The following ZNF704 variants were observed in gnomAD, a reference collection of about 807,000 sequenced individuals.
ZNF704 encodes zinc finger protein 704.
In ZNF704, 10 loss-of-function variants were observed where a neutral mutation model predicts 44.7. The ratio of observed to expected loss-of-function variants is 0.22; its 90% confidence interval spans 0.14 to 0.38. ZNF704 has a LOEUF of 0.38. Ranked by LOEUF, ZNF704 falls within the 10% of genes least tolerant of loss-of-function variation. The pLI is 1.00. For missense variants in ZNF704, 390 were observed against 545.5 expected, an observed-to-expected ratio of 0.71 and a Z score of 2.84; for synonymous variants, 211 against 207.6, an observed-to-expected ratio of 1.02 and a Z score of -0.14.
chr8:80,642,676 T>C (rs1319194017), intron 8 of ZNF704, among the ~76,000 whole-genome samples: 1 of 152,206 alleles, frequency 6.6e-6, no homozygotes, highest in East Asian at 1.9e-4. Context: ...TGTATTTTGG[T>C]TAAGGAACTT....
At chr8:80,665,832 T>A (rs1818181227) in intron 5 of ZNF704, among the ~76,000 whole-genome samples, 1 of 136,944 alleles carries the variant, frequency 7.3e-6, no homozygotes, top group African/African-American at 2.6e-5. Flanking sequence ...TTTTATTTTA[T>A]TTTTTTTTCA....
intron 1 of ZNF704, among the ~76,000 whole-genome samples, chr8:80,865,920 C>T (rs1160318799): frequency 1.3e-5 from 2 of 152,132 alleles, no homozygotes; most frequent in Non-Finnish European, 2.9e-5. Context: ...TTGTTTCCTA[C>T]ATATAAATTG....
In ZNF704 at chr8:80,778,717, G is replaced by A. The variant is rs1252379318; in HGVS notation, c.221+42657C>T. On this transcript the variant is annotated intron_variant, in intron 2 of 8. Coordinates refer to ENST00000327835, the MANE Select transcript of ZNF704 (RefSeq NM_001033723.3). ...TAATGTCTTTTGCAGGATCATGGATGGAGCTGGGGGCCATCATCCTTAGCA... is the reference window on the plus strand; with the variant it reads ...TAATGTCTTTTGCAGGATCATGGATAGAGCTGGGGGCCATCATCCTTAGCA... 2.0e-5 allele frequency among the ~76,000 whole-genome samples: 3 copies of A among 152,188 alleles called. No homozygotes were observed. The East Asian group carries it at 5.8e-4, about 29-fold the overall frequency.
At chr8:80,644,075 C>T (rs112000937) in intron 7 of ZNF704, among the ~76,000 whole-genome samples, 1 of 152,194 alleles carries the variant, frequency 6.6e-6, no homozygotes, top group Non-Finnish European at 1.5e-5. Flanking sequence ...TTACTGAGCG[C>T]TCACTATGTG....
intron 7 of ZNF704, among the ~76,000 whole-genome samples, chr8:80,655,012 T>TA (rs933270796): frequency 2.6e-5 from 4 of 152,128 alleles, no homozygotes; most frequent in African/African-American, 4.8e-5. Context: ...TATGCAGCCA[T>TA]AAAAAATGAT....
chr8:80,801,217 G>A (rs1318560729), intron 2 of ZNF704, among the ~76,000 whole-genome samples: 1 of 152,052 alleles, frequency 6.6e-6, no homozygotes, highest in Non-Finnish European at 1.5e-5. Flanking sequence ...CAAAATAATA[G>A]TGAGAGACTT....
chr8:80,697,004 C>T (rs1208557271), intron 2 of ZNF704, among the ~76,000 whole-genome samples: 1 of 152,204 alleles, frequency 6.6e-6, no homozygotes, highest in Non-Finnish European at 1.5e-5. Flanking sequence ...GAGAGATACT[C>T]AATCTGTAAC....
intron 2 of ZNF704, among the ~76,000 whole-genome samples, chr8:80,820,884 C>T (rs373891567): frequency 6.6e-5 from 10 of 151,550 alleles, no homozygotes; most frequent in Non-Finnish European, 1.0e-4. Context: ...CCAGCTTGAG[C>T]GACAGAACCA....
At chr8:80,830,811 G>A (rs1327377430) in intron 1 of ZNF704, among the ~76,000 whole-genome samples, 2 of 141,930 alleles carry the variant, frequency 1.4e-5, no homozygotes, top group Admixed American at 7.3e-5. Flanking sequence ...AGGCTGGAGT[G>A]CAGTGGCACA....
rs1310161823 is a variant in ZNF704 at position 80,736,052 on chromosome 8, T to C, written c.222-42945A>G. Reference sequence around the variant, plus strand: ...TGCCATAAGGTCTATAGAATTGTCCTGTGGTTTCTGCCTGTCAAGTGGCAA... The same window carrying C: ...TGCCATAAGGTCTATAGAATTGTCCCGTGGTTTCTGCCTGTCAAGTGGCAA... On this transcript the variant is annotated intron_variant, in intron 2 of 8. Coordinates refer to ENST00000327835, the MANE Select transcript of ZNF704 (RefSeq NM_001033723.3). Among the ~76,000 whole-genome samples the C allele has an allele frequency of 2.0e-5, 3 of 152,344 alleles. No homozygotes were observed. In the East Asian group the frequency reaches 5.8e-4, roughly 29 times the overall value.
intron 2 of ZNF704, among the ~76,000 whole-genome samples, chr8:80,765,142 G>A (rs1356390680): frequency 6.6e-6 from 1 of 152,148 alleles, no homozygotes; most frequent in Admixed American, 6.5e-5. Context: ...CCTTGGGGGG[G>A]CCACTGGTGA....
intron 7 of ZNF704, among the ~76,000 whole-genome samples, chr8:80,659,169 A>G (rs978682941): frequency 2.0e-5 from 3 of 152,178 alleles, no homozygotes; most frequent in African/African-American, 7.2e-5. Flanking sequence ...ATTTTGATGT[A>G]TTTTTTGAGC....
chr8:80,880,262 G>A, the ZNF704 span, among the ~76,000 whole-genome samples: 21 of 152,306 alleles, frequency 1.4e-4, no homozygotes, highest in East Asian at 1.5e-3. Flanking sequence ...GGCCCAGTCC[G>A]AATCATGAGC....
At chr8:80,797,093 C>T (rs1217806459) in intron 2 of ZNF704, among the ~76,000 whole-genome samples, 2 of 150,626 alleles carry the variant, frequency 1.3e-5, no homozygotes, top group Non-Finnish European at 3.0e-5. Context: ...AACATTAAAT[C>T]ATAAAGCTGG....
chr8:80,666,773 G>A, intron 5 of ZNF704, among the ~76,000 whole-genome samples: 1 of 150,362 alleles, frequency 6.7e-6, no homozygotes, highest in East Asian at 1.9e-4. Context: ...CTTTTGAGAA[G>A]TGTCTGTTCA....
At chr8:80,654,422 A>C (rs1283699342) in intron 7 of ZNF704, among the ~76,000 whole-genome samples, 1 of 152,200 alleles carries the variant, frequency 6.6e-6, no homozygotes, top group Non-Finnish European at 1.5e-5. Flanking sequence ...AATGGGAGAA[A>C]ATTTTTGCAA....
chr8:80,846,574 A>C (rs577012048), intron 1 of ZNF704, among the ~76,000 whole-genome samples: 2 of 152,204 alleles, frequency 1.3e-5, no homozygotes, highest in African/African-American at 2.4e-5. Context: ...TAATTTTAAC[A>C]TTGTCAAAGC....
intron 2 of ZNF704, among the ~76,000 whole-genome samples, chr8:80,707,926 C>T (rs1818921959): frequency 6.6e-6 from 1 of 152,240 alleles, no homozygotes. Context: ...TCATAAGACA[C>T]TTGGAGTGTC....
At chr8:80,774,239 TTGTTTGTTTTGGTA>T (rs761308621) in intron 2 of ZNF704, among the ~76,000 whole-genome samples, 1 of 151,872 alleles carries the variant, frequency 6.6e-6, no homozygotes, top group Non-Finnish European at 1.5e-5. Context: ...ATTTGTTTGT[TTGTTTGTTTTGGTA>T]GAGATGGGGT....
Sources: gnomAD v4.1 joint callset for allele counts (sites outside exome capture counted in the v4.1 genomes callset) on GRCh38, gnomAD v4.1.1 for gene constraint, MANE v1.5 for transcripts, NCBI Gene and HGNC (gene_info 2026-07-23, HGNC 2026-07-21) for gene names.